The following MINDY4B variants were observed in gnomAD, a reference collection of about 807,000 sequenced individuals.
The protein encoded by MINDY4B is inactive ubiquitin carboxyl-terminal hydrolase MINDY-4B.
A neutral mutation model predicts 16.7 loss-of-function variants in MINDY4B; 25 were observed. The observed-to-expected ratio is 1.49, with a 90% confidence interval of 1.09 to 2.09. The LOEUF (loss-of-function observed/expected upper bound fraction) is 2.09. Ranked by LOEUF, MINDY4B falls within the 30% of genes most tolerant of loss-of-function variation. MINDY4B has a pLI of 0.00. For synonymous variants in MINDY4B, 132 were observed against 61.9 expected (o/e 2.13, Z -5.32); for missense variants, 327 against 168.4 (o/e 1.94, Z -5.21).
rs937449035 is a variant in MINDY4B, at chr3:150,903,431, C to G, written c.142-15G>C. On this transcript the variant is annotated splice_polypyrimidine_tract_variant and intron_variant, in intron 2 of 11. Transcript: ENST00000465419. Reference sequence around the variant, plus strand: ...CCTTCATGATTCTGTGCAAATATCACCCCCACAAAAGACAAAGCAAACAGA... The same window carrying G: ...CCTTCATGATTCTGTGCAAATATCAGCCCCACAAAAGACAAAGCAAACAGA... The G allele has an allele frequency of 5.0e-6, 2 of 398,332 alleles. No homozygotes were observed. The highest frequency in any genetic ancestry group is 4.1e-5 in the African/African-American group (2 of 48,602). The allele number at this position is 398,332 out of a possible 1,614,324, so 24.7% of individuals were successfully genotyped here.
At chr3:150,883,463 A>G (rs946458284) in intron 9 of MINDY4B, among the ~76,000 whole-genome samples, 1 of 152,074 alleles carries the variant, frequency 6.6e-6, no homozygotes, top group Non-Finnish European at 1.5e-5. Flanking sequence ...AGGCTCTCGG[A>G]GGTAAACTAA....
chr3:150,901,115 AC>A (rs776425688), intron 3 of MINDY4B: 13 of 152,206 alleles, frequency 8.5e-5, no homozygotes, highest in Non-Finnish European at 1.8e-4. Flanking sequence ...TTTTTCAGAT[AC>A]GTGTAAATTT....
chr3:150,872,524 C>G (rs1716993694), intron 11 of MINDY4B, among the ~76,000 whole-genome samples: 1 of 152,194 alleles, frequency 6.6e-6, no homozygotes, highest in African/African-American at 2.4e-5. Context: ...GTCTTTTTCC[C>G]TCAGGAGTTT....
At chr3:150,899,846 G>T (rs1712072166) in intron 3 of MINDY4B, among the ~76,000 whole-genome samples, 1 of 152,136 alleles carries the variant, frequency 6.6e-6, no homozygotes, top group African/African-American at 2.4e-5. Flanking sequence ...GACCTTATGG[G>T]GGGACACCCG....
chr3:150,877,625 C>T (rs1711498882), intron 10 of MINDY4B, among the ~76,000 whole-genome samples: 2 of 152,122 alleles, frequency 1.3e-5, no homozygotes, highest in South Asian at 2.1e-4. Context: ...TCCATACACC[C>T]GACAAGTGTG....
intron 5 of MINDY4B, among the ~76,000 whole-genome samples, chr3:150,892,872 G>A (rs545015943): frequency 3.3e-4 from 50 of 151,554 alleles, no homozygotes; most frequent in Non-Finnish European, 5.3e-4. Context: ...CCTGGGAGGC[G>A]GAGGTTGCAG....
chr3:150,888,601 G>A (rs954216051), intron 7 of MINDY4B, among the ~76,000 whole-genome samples: 18 of 152,308 alleles, frequency 1.2e-4, no homozygotes, highest in African/African-American at 3.8e-4. Flanking sequence ...GTGCAACCCC[G>A]TCTCAGTGAG....
Position 150,900,272 on chromosome 3 carries a change from G to A in MINDY4B, c.309+2977C>T, listed in dbSNP as rs1275196172. ...GGAGAGCTAAGGAAAGCAAAGGTGC[G>A]TAGGGTGCTTTACCCAACCTCCACT... On this transcript the variant is annotated intron_variant, in intron 3 of 11. Transcript: ENST00000465419. 2.6e-5 allele frequency among the ~76,000 whole-genome samples: 4 copies of A among 152,220 alleles called. No homozygotes were observed. The South Asian group carries it at 6.2e-4, about 24-fold the overall frequency.
At chr3:150,873,815 A>G (rs1293303310) in intron 10 of MINDY4B, among the ~76,000 whole-genome samples, 1 of 152,108 alleles carries the variant, frequency 6.6e-6, no homozygotes, top group Non-Finnish European at 1.5e-5. Flanking sequence ...GGCAACATCA[A>G]CTATTTAGAA....
At chr3:150,885,923 A>G (rs1415026902) in intron 7 of MINDY4B, among the ~76,000 whole-genome samples, 1 of 152,192 alleles carries the variant, frequency 6.6e-6, no homozygotes, top group Non-Finnish European at 1.5e-5. Flanking sequence ...TTGAGTTTCA[A>G]TCCAATCCAC....
intron 5 of MINDY4B, among the ~76,000 whole-genome samples, chr3:150,893,096 T>C (rs917422539): frequency 6.6e-6 from 1 of 152,112 alleles, no homozygotes; most frequent in Non-Finnish European, 1.5e-5. Flanking sequence ...TGGTCTGCAG[T>C]AGAGCATAAA....
At position 150,882,978 on chromosome 3, in the gene MINDY4B, T is replaced by A; in HGVS notation, c.978A>T (p.Thr326=). The change falls in exon 10 of 12, where the codon ACA becomes ACT. Residue 326 remains threonine (T), a synonymous_variant. Transcript: ENST00000465419. ...CACTGCGGGTCAGGACTCCATGTAG[T>A]GTTTCCTGAGACTTTCCTTCCTCAC... ...NGCEEGKSQE[T]LHGVLTRSDV... is the part of the protein sequence containing the mutation. 1.4e-6 allele frequency: 1 copy of A among 702,840 alleles called. No homozygotes were observed. Among genetic ancestry groups the A allele is most frequent in the Middle Eastern group, 2.3e-4 (1 of 4,364 alleles). 43.5% of individuals were successfully genotyped at this position (702,840 alleles called of 1,614,324 possible).
intron 3 of MINDY4B, among the ~76,000 whole-genome samples, chr3:150,896,945 C>T (rs756146393): frequency 1.4e-4 from 21 of 152,274 alleles, no homozygotes; most frequent in Non-Finnish European, 1.3e-4. Flanking sequence ...TGAAACAATG[C>T]TACAAATTAC....
At chr3:150,889,180 A>G (rs181539976) in intron 7 of MINDY4B, among the ~76,000 whole-genome samples, 1 of 152,384 alleles carries the variant, frequency 6.6e-6, no homozygotes, top group Non-Finnish European at 1.5e-5. Flanking sequence ...CAGTTCTAGA[A>G]GTCAGAAGTC....
chr3:150,880,402 C>G (rs1711513109), intron 10 of MINDY4B, among the ~76,000 whole-genome samples: 1 of 152,042 alleles, frequency 6.6e-6, no homozygotes, highest in Non-Finnish European at 1.5e-5. Context: ...AAGGAGACTT[C>G]TACACAAGCA....
At chr3:150,874,908 C>T (rs1717056275) in intron 10 of MINDY4B, among the ~76,000 whole-genome samples, 1 of 152,122 alleles carries the variant, frequency 6.6e-6, no homozygotes, top group South Asian at 2.1e-4. Flanking sequence ...TTAGCTACCA[C>T]AGAAAAATTA....
At chr3:150,876,706 A>T (rs1711497435) in intron 10 of MINDY4B, among the ~76,000 whole-genome samples, 1 of 152,154 alleles carries the variant, frequency 6.6e-6, no homozygotes, top group South Asian at 2.1e-4. Context: ...AGAAGGTATG[A>T]CTGGGATAGT....
At chr3:150,897,627 T>C (rs533918312) in intron 3 of MINDY4B, among the ~76,000 whole-genome samples, 6 of 152,174 alleles carry the variant, frequency 3.9e-5, no homozygotes, top group Non-Finnish European at 8.8e-5. Flanking sequence ...CTTCCTATGT[T>C]GGCCCAGGGG....
At chr3:150,898,817 T>C (rs1028949966) in intron 3 of MINDY4B, among the ~76,000 whole-genome samples, 12 of 152,196 alleles carry the variant, frequency 7.9e-5, no homozygotes, top group African/African-American at 2.9e-4. Flanking sequence ...CATTCAAAGA[T>C]AGAGGCCCTG....
Sources: allele counts gnomAD v4.1 joint callset (sites outside exome capture counted in the v4.1 genomes callset), GRCh38; gene constraint gnomAD v4.1.1; transcripts MANE v1.5; gene names NCBI Gene and HGNC (gene_info 2026-07-23, HGNC 2026-07-21).